MXRA5: variants seen among roughly 807,000 people sequenced by gnomAD.
MXRA5 encodes the protein matrix remodeling associated 5.
A neutral mutation model predicts 112.5 loss-of-function variants in MXRA5; 41 were observed. The ratio of observed to expected loss-of-function variants is 0.36; its 90% confidence interval spans 0.28 to 0.47. MXRA5 has a LOEUF of 0.47. Ranked by LOEUF, MXRA5 falls within the 20% of genes least tolerant of loss-of-function variation. The pLI is 0.99. For synonymous variants in MXRA5, 862 were observed against 900.8 expected, an observed-to-expected ratio of 0.96 and a Z score of 0.77; for missense variants, 2,150 against 2,251.0, an observed-to-expected ratio of 0.96 and a Z score of 0.91.
Position 3,338,340 on chromosome X carries a change from T to TGATA in MXRA5, c.188+5302_188+5305dup, listed in dbSNP as rs202076029. 8.1e-5 allele frequency among the ~76,000 whole-genome samples: 9 copies of TGATA among 111,456 alleles called. No individual in the cohort carries two copies. The East Asian group carries it at 1.7e-3, about 21-fold the overall frequency. ...GTTGATAACTATTGTCATAGATAGA[T>TGATA]GATAGATAGATAGATAGGCAGACAG... is the stretch of plus-strand genomic sequence containing the variant. On this transcript the variant is annotated intron_variant, in intron 2 of 6. Coordinates refer to ENST00000217939, the MANE Select transcript of MXRA5 (RefSeq NM_015419.4).
Position 3,330,734 on chromosome X carries a change from T to C in MXRA5, c.228A>G (p.Ala76=). 1 of 1,207,601 alleles carries C rather than the reference T, an allele frequency of 8.3e-7. No homozygotes were observed. Among genetic ancestry groups the C allele is most frequent in the Non-Finnish European group, 1.1e-6 (1 of 892,794 alleles). ...TAAGTAGCTCCAACTTGGTCAGTCC[T>C]GCAAATGAGGTTTCTGACAGGGCCT... ...SIQALSETSF[A]GLTKLELLMI... Residue 76 remains alanine, a synonymous_variant, in exon 3 of 7, where the codon GCA becomes GCG. Coordinates refer to ENST00000217939, the MANE Select transcript of MXRA5 (RefSeq NM_015419.4).
Position 3,324,196 on chromosome X carries a change from A to G in MXRA5, c.1489T>C (p.Cys497Arg). ...RDQTVLEGGP[C>R]QLSCNVKASE... ...GCTTTCACGTTGCAGCTCAACTGGC[A>G]TGGACCCCCTTCCAGGACAGTCTGA... Residue 497 changes from cysteine (C) to arginine (R), a missense_variant, in exon 5 of 7, where the codon TGC (cysteine) becomes CGC (arginine). Physicochemically the swap from Cys to Arg is radical, Grantham distance 180. Coordinates refer to ENST00000217939, the MANE Select transcript of MXRA5 (RefSeq NM_015419.4). 5 of 1,211,677 alleles carry G rather than the reference A, an allele frequency of 4.1e-6. No individual in the cohort carries two copies. The highest frequency in any genetic ancestry group is 2.2e-5 in the Admixed American group (1 of 46,013).
In MXRA5 at chrX:3,311,105, T is replaced by G. The variant is rs753750326; in HGVS notation, c.7098A>C (p.Val2366=). The G allele has an allele frequency of 2.5e-6, 3 of 1,211,760 alleles. No individual in the cohort carries two copies. Among genetic ancestry groups the G allele is most frequent in the Non-Finnish European group, 2.2e-6 (2 of 895,540 alleles). ...TGGGTTCTCCTTTGGCCTCACAGGC[T>G]ACAGTGACCACGTCTCCATAGGGCA... ...VQVPYGDVVT[V]ACEAKGEPMP... The change falls in exon 7 of 7, where the codon GTA becomes GTC. Residue 2366 remains valine (V), a synonymous_variant. Coordinates refer to ENST00000217939, the MANE Select transcript of MXRA5 (RefSeq NM_015419.4).
At chrX:3,336,500 G>A (rs1415059307) in intron 2 of MXRA5, among the ~76,000 whole-genome samples, 2 of 111,397 alleles carry the variant, frequency 1.8e-5, no homozygotes, top group African/African-American at 6.5e-5. Flanking sequence ...CAAATTCATA[G>A]GGACAGAAAA....
chrX:3,309,828 T>C lies in MXRA5; in HGVS notation c.8375A>G (p.Gln2792Arg). 8.3e-7 allele frequency: 1 copy of C among 1,211,609 alleles called. No individual in the cohort carries two copies. The highest frequency in any genetic ancestry group is 1.1e-6 in the Non-Finnish European group (1 of 895,483). ...RLYGNRFLHP[Q>R]GSLTIQHATQ... ...GGCATGCTGGATGGTCAGTGATCCC[T>C]GGGGGTGAAGAAATCTGTTTCCATA... is the stretch of plus-strand genomic sequence containing the variant. Residue 2792 changes from glutamine to arginine, a missense_variant, in exon 7 of 7, where the codon CAG becomes CGG. By Grantham distance (43) the Gln-to-Arg change is conservative. Coordinates refer to ENST00000217939, the MANE Select transcript of MXRA5 (RefSeq NM_015419.4).
rs1920964996 is a variant in MXRA5 at position 3,309,424 on chromosome X, G to A, written c.*292C>T. ...GGACGCTTATGAAGGCAGTCGAGTG[G>A]CATTTGCAAAAAAAGAAAAATTGCA... On this transcript the variant is annotated 3_prime_UTR_variant, in exon 7 of 7. Transcript: ENST00000217939. 5.8e-5 allele frequency: 19 copies of A among 326,964 alleles called. No homozygotes were observed. The South Asian group carries it at 1.1e-3, about 18-fold the overall frequency. 26.9% of individuals were successfully genotyped at this position (326,964 alleles called of 1,213,427 possible). A position where few individuals can be genotyped will look rare whatever the true frequency, so the allele number is the denominator to read the frequency against.
intron 2 of MXRA5, among the ~76,000 whole-genome samples, chrX:3,334,393 CT>C (rs1349767668): frequency 9.0e-6 from 1 of 111,279 alleles, no homozygotes; most frequent in Admixed American, 9.6e-5. Flanking sequence ...ACTGAGGATT[CT>C]TTTTTCAGAG....
chrX:3,334,298 G>T (rs969621641), intron 2 of MXRA5, among the ~76,000 whole-genome samples: 1 of 111,882 alleles, frequency 8.9e-6, no homozygotes, highest in African/African-American at 3.2e-5. Context: ...ATGTTTTGAG[G>T]TCAGGCACAC....
chrX:3,309,969 G>A lies in MXRA5; in HGVS notation c.8234C>T (p.Thr2745Ile). Residue 2745 changes from threonine to isoleucine, a missense_variant, in exon 7 of 7, where the codon ACC becomes ATC. This residue lies in a region of MXRA5 where 178 missense variants were observed against 198.2 expected (regional missense o/e 0.90). Transcript: ENST00000217939. ...ITSEPTPVIY[T>I]RPGNTVKLNC... ...CAGTTTCACGGTGTTCCCGGGCCGG[G>A]TGTAGATGACCGGGGTGGGCTCGCT... The A allele has an allele frequency of 8.3e-7, 1 of 1,211,650 alleles. No homozygotes were observed. Among genetic ancestry groups the A allele is most frequent in the Non-Finnish European group, 1.1e-6 (1 of 895,436 alleles).
At chrX:3,341,174 T>G (rs1337894842) in intron 2 of MXRA5, among the ~76,000 whole-genome samples, 5 of 10,325 alleles carry the variant, frequency 4.8e-4, no homozygotes, top group African/African-American at 9.0e-4. Context: ...ATTATATACA[T>G]AATATATATA....
chrX:3,331,496 C>G (rs745643639), intron 2 of MXRA5, among the ~76,000 whole-genome samples: 1 of 111,400 alleles, frequency 9.0e-6, no homozygotes, highest in East Asian at 2.8e-4. Flanking sequence ...CTAGCAGGGC[C>G]GGGAAAATCC....
intron 2 of MXRA5, among the ~76,000 whole-genome samples, chrX:3,337,689 G>A (rs1222897356): frequency 8.9e-6 from 1 of 112,066 alleles, no homozygotes; most frequent in African/African-American, 3.2e-5. Flanking sequence ...GTCAGAGCTG[G>A]GCAAGGGAGG....
chrX:3,316,298 A>G (rs1921128396), intron 6 of MXRA5, among the ~76,000 whole-genome samples: 2 of 85,035 alleles, frequency 2.4e-5, no homozygotes, highest in Admixed American at 1.4e-4. Flanking sequence ...TGGGCCACAG[A>G]GCGAGATTCC....
Position 3,321,743 on chromosome X carries a change from T to A in MXRA5, c.3942A>T (p.Pro1314=), listed in dbSNP as rs747807135. The A allele has an allele frequency of 8.3e-7, 1 of 1,209,390 alleles. No homozygotes were observed. Among genetic ancestry groups the A allele is most frequent in the East Asian group, 3.0e-5 (1 of 33,775 alleles). ...SSYPKVQETL[P]VTYKPTSDGK... is the part of the protein sequence containing the mutation. ...CATCTGATGTGGGTTTATATGTGAC[T>A]GGAAGTGTCTCTTGGACTTTAGGGT... is the stretch of plus-strand genomic sequence containing the variant. The change falls in exon 5 of 7, where the codon CCA becomes CCT. Residue 1314 remains proline, a synonymous_variant. Coordinates refer to ENST00000217939, the MANE Select transcript of MXRA5 (RefSeq NM_015419.4).
At position 3,309,657 on chromosome X, in the gene MXRA5, T is replaced by G; in HGVS notation, c.*59A>C. The G allele has an allele frequency of 9.5e-7, 1 of 1,058,126 alleles. No homozygotes were observed. The highest frequency in any genetic ancestry group is 1.3e-6 in the Non-Finnish European group (1 of 777,021). 87.2% of individuals were successfully genotyped at this position (1,058,126 alleles called of 1,213,427 possible). On this transcript the variant is annotated 3_prime_UTR_variant, in exon 7 of 7. Transcript: ENST00000217939. Reference sequence around the variant, plus strand: ...AAGAGCTCCTATTCCCCAACCTGGCTTCCCTTACAAACCCCGCTTTGTTGT... The same window carrying G: ...AAGAGCTCCTATTCCCCAACCTGGCGTCCCTTACAAACCCCGCTTTGTTGT...
rs1443218977 is a variant in MXRA5, at chrX:3,323,304, T to C, written c.2381A>G (p.Asn794Ser). The change falls in exon 5 of 7, where the codon AAT becomes AGT. Residue 794 changes from asparagine to serine, a missense_variant. By Grantham distance (46) the Asn-to-Ser change is conservative. Transcript: ENST00000217939. ...GGGTACTTCTGTGCCCTTAGGGAGA[T>C]TTTTCCCACGGACTTTGGCTAAAAT... ...ADILAKVRGK[N>S]LPKGTEVPPL... The C allele has an allele frequency of 1.7e-6, 2 of 1,209,087 alleles. No homozygotes were observed. Among genetic ancestry groups the C allele is most frequent in the Non-Finnish European group, 2.2e-6 (2 of 894,895 alleles).
chrX:3,311,545 G>T lies in MXRA5; in HGVS notation c.6658C>A (p.Leu2220Met). 1 of 1,211,807 alleles carries T rather than the reference G, an allele frequency of 8.3e-7. No individual in the cohort carries two copies. Among genetic ancestry groups the T allele is most frequent in the Non-Finnish European group, 1.1e-6 (1 of 895,559 alleles). Residue 2220 changes from leucine (L) to methionine (M), a missense_variant, in exon 7 of 7, where the codon CTG becomes ATG. Leu to Met is a conservative substitution (Grantham distance 15). Coordinates refer to ENST00000217939, the MANE Select transcript of MXRA5 (RefSeq NM_015419.4). ...SVTDKDAGDY[L>M]CVARNKVGDD... Reference sequence around the variant, plus strand: ...CCAACCTTATTTCGAGCTACGCACAGGTAATCTCCGGCATCTTTGTCCGTC... The same window carrying T: ...CCAACCTTATTTCGAGCTACGCACATGTAATCTCCGGCATCTTTGTCCGTC...
chrX:3,336,667 A>G (rs1477917562), intron 2 of MXRA5, among the ~76,000 whole-genome samples: 4 of 112,384 alleles, frequency 3.6e-5, no homozygotes, highest in African/African-American at 1.3e-4. Flanking sequence ...ACTGAATTGT[A>G]GAGGCTACAA....
rs776286346 is a variant in MXRA5 at position 3,321,990 on chromosome X, C to A, written c.3695G>T (p.Arg1232Ile). The A allele has an allele frequency of 3.3e-6, 4 of 1,211,591 alleles. No individual in the cohort carries two copies. Among genetic ancestry groups the A allele is most frequent in the Non-Finnish European group, 4.5e-6 (4 of 895,546 alleles). Residue 1232 changes from arginine (R) to isoleucine (I), a missense_variant, in exon 5 of 7, where the codon AGA becomes ATA. Physicochemically the swap from Arg to Ile is moderately conservative, Grantham distance 97. Coordinates refer to ENST00000217939, the MANE Select transcript of MXRA5 (RefSeq NM_015419.4). ...AEPTSKGTPRRKHGKRPNKHR... is the reference protein window; with the variant it reads ...AEPTSKGTPRIKHGKRPNKHR... ...TTTGTTTGGCCTCTTCCCGTGTTTT[C>A]TCCGTGGTGTTCCCTTGGATGTGGG...
Sources: allele counts gnomAD v4.1 joint callset (sites outside exome capture counted in the v4.1 genomes callset), GRCh38; gene constraint gnomAD v4.1.1; regional missense constraint gnomAD v4.1.1; transcripts MANE v1.5; gene names NCBI Gene and HGNC (gene_info 2026-07-23, HGNC 2026-07-21).